CMIP: variants seen among roughly 807,000 people sequenced by gnomAD.
CMIP encodes C-Maf-inducing protein.
CMIP carries 13 observed loss-of-function variants against 97.3 expected under a neutral mutation model. The observed-to-expected ratio is 0.13, with a 90% CI of 0.09 to 0.21. The LOEUF (loss-of-function observed/expected upper bound fraction) is 0.21. Among genes scored for constraint, CMIP ranks in the 10% least tolerant of loss-of-function variants. The pLI is 1.00. For missense variants in CMIP, 847 were observed against 1,024.9 expected, an observed-to-expected ratio of 0.83 and a Z score of 2.37; for synonymous variants, 538 against 436.3, an observed-to-expected ratio of 1.23 and a Z score of -2.91.
At chr16:81,618,739 TC>T (rs767747750) in intron 2 of CMIP, 1 of 152,252 alleles carries the variant, frequency 6.6e-6, no homozygotes, top group African/African-American at 2.4e-5. Context: ...GGCTTGTTGT[TC>T]CAGAGAGCCT....
chr16:81,543,934 C>A (rs146995747), intron 1 of CMIP, among the ~76,000 whole-genome samples: 1 of 152,324 alleles, frequency 6.6e-6, no homozygotes, highest in South Asian at 2.1e-4. Flanking sequence ...ATCGTATTAT[C>A]GGGAAAAGGT....
In CMIP at chr16:81,525,968, CTAA is replaced by C. The variant is rs1567559857; in HGVS notation, c.300+80433_300+80435del. On this transcript the variant is annotated intron_variant, in intron 1 of 20. Transcript: ENST00000537098. ...ATCCTTTTTTTTGTTTAAAGGTTGA[CTAA>C]TAATACGTGTGTGTGTGTGTGTGTG... Among the ~76,000 whole-genome samples the C allele has an allele frequency of 2.1e-5, 3 of 142,012 alleles. No individual in the cohort carries two copies. In the South Asian group the frequency reaches 7.0e-4, roughly 33 times the overall value. The allele number at this position is 142,012 out of a possible 152,430, so 93.2% of individuals were successfully genotyped here. A position where few individuals can be genotyped will look rare whatever the true frequency, so the allele number is the denominator to read the frequency against.
chr16:81,619,525 G>C (rs957761069), intron 2 of CMIP: 2 of 152,304 alleles, frequency 1.3e-5, no homozygotes, highest in African/African-American at 4.8e-5. Context: ...TTCGTGCTTG[G>C]AGAGAGACTC....
intron 1 of CMIP, among the ~76,000 whole-genome samples, chr16:81,457,029 C>T (rs986903592): frequency 9.2e-5 from 14 of 152,096 alleles, no homozygotes; most frequent in Admixed American, 8.5e-4. Context: ...CTGTCACAGC[C>T]GGTGGTGAGG....
chr16:81,653,639 G>A (rs1197049761), intron 4 of CMIP, among the ~76,000 whole-genome samples: 2 of 152,226 alleles, frequency 1.3e-5, no homozygotes, highest in Non-Finnish European at 2.9e-5. Context: ...AGTAAGCCAG[G>A]CAGGTGCCAG....
chr16:81,703,825 C>T, intron 17 of CMIP, 114 bp from the exon 18 acceptor site: 1 of 1,402,896 alleles, frequency 7.1e-7, no homozygotes. Context: ...TTACCGCCCC[C>T]CAGGAACAGC....
At chr16:81,555,397 T>C (rs2090741466) in intron 1 of CMIP, among the ~76,000 whole-genome samples, 1 of 152,012 alleles carries the variant, frequency 6.6e-6, no homozygotes, top group African/African-American at 2.4e-5. Context: ...TCCGGACCCA[T>C]GGGCAAAACA....
intron 1 of CMIP, among the ~76,000 whole-genome samples, chr16:81,467,974 C>T (rs1907308237): frequency 6.7e-6 from 1 of 150,358 alleles, no homozygotes; most frequent in African/African-American, 2.5e-5. Context: ...GCATTCTCAA[C>T]CTCCCAGACT....
At chr16:81,661,738 G>C (rs1295478501) in intron 6 of CMIP, among the ~76,000 whole-genome samples, 1 of 152,130 alleles carries the variant, frequency 6.6e-6, no homozygotes, top group Non-Finnish European at 1.5e-5. Flanking sequence ...TTCCCTTGCC[G>C]CCCCTTCCCG....
At chr16:81,552,169 G>A (rs73596439) in intron 1 of CMIP, among the ~76,000 whole-genome samples, 9,720 of 152,264 alleles carry the variant, frequency 0.064, 1,026 homozygotes, top group African/African-American at 0.22. Flanking sequence ...CAGGGAGTTG[G>A]AATCCTCCCC....
chr16:81,472,518 C>T (rs1237138832), intron 1 of CMIP, among the ~76,000 whole-genome samples: 9 of 152,214 alleles, frequency 5.9e-5, no homozygotes, highest in Non-Finnish European at 7.3e-5. Flanking sequence ...CACTTGACAC[C>T]GTTGAGTGTC....
At chr16:81,558,582 C>G (rs1413030727) in intron 1 of CMIP, among the ~76,000 whole-genome samples, 2 of 152,184 alleles carry the variant, frequency 1.3e-5, no homozygotes, top group African/African-American at 4.8e-5. Flanking sequence ...CAACAGTGCC[C>G]AGGTGGAGAC....
chr16:81,637,658 G>T (rs56204025), intron 3 of CMIP, among the ~76,000 whole-genome samples: 2,139 of 152,208 alleles, frequency 0.014, 24 homozygotes, highest in Non-Finnish European at 0.022. Context: ...GCAAAAACAT[G>T]GCTTGCTTGA....
rs149715666 is a variant in CMIP at position 81,504,641 on chromosome 16, CAAAAAA to C, written c.300+59120_300+59125del. ...CTCGGCGACAGAGTGAGACTCGTCT[CAAAAAA>C]AAAAAAAAAAAAAAAAAAAGAAAAG... On this transcript the variant is annotated intron_variant, in intron 1 of 20. Coordinates refer to ENST00000537098, the MANE Select transcript of CMIP (RefSeq NM_198390.3). 1.1e-4 allele frequency among the ~76,000 whole-genome samples: 8 copies of C among 71,986 alleles called. 1 individual carries two copies. The highest frequency in any genetic ancestry group is 5.4e-4 in the African/African-American group (8 of 14,924). The allele number at this position is 71,986 out of a possible 152,430, so 47.2% of individuals were successfully genotyped here. A position where few individuals can be genotyped will look rare whatever the true frequency, so the allele number is the denominator to read the frequency against.
intron 7 of CMIP, among the ~76,000 whole-genome samples, chr16:81,668,260 C>T (rs1022417054): frequency 3.3e-5 from 5 of 152,128 alleles, no homozygotes; most frequent in Non-Finnish European, 7.4e-5. Context: ...GGGGGCAGGA[C>T]GGTGCCGCTC....
At chr16:81,464,862 C>T (rs980934134) in intron 1 of CMIP, 1 of 152,120 alleles carries the variant, frequency 6.6e-6, no homozygotes, top group African/African-American at 2.4e-5. Flanking sequence ...TTTTACGTTC[C>T]CCCCATGTTT....
At chr16:81,451,723 G>C (rs1461744136) in intron 1 of CMIP, among the ~76,000 whole-genome samples, 1 of 152,178 alleles carries the variant, frequency 6.6e-6, no homozygotes, top group Non-Finnish European at 1.5e-5. Context: ...TGACCAGGGG[G>C]CTCTGACAAG....
rs527371571 is a variant in CMIP at position 81,506,739 on chromosome 16, C to T, written c.300+61198C>T. Among the ~76,000 whole-genome samples the T allele has an allele frequency of 3.3e-5, 5 of 152,156 alleles. No individual in the cohort carries two copies. In the South Asian group the frequency reaches 1.0e-3, roughly 32 times the overall value. On this transcript the variant is annotated intron_variant, in intron 1 of 20. Coordinates refer to ENST00000537098, the MANE Select transcript of CMIP (RefSeq NM_198390.3). ...ACCAGCCTGGCCACACTAGTGAAAC[C>T]CCGTCTCTACTAAAAATTAGCTGTG... is the stretch of plus-strand genomic sequence containing the variant.
intron 10 of CMIP, 108 bp from the exon 11 acceptor site, chr16:81,691,667 C>T: frequency 2.4e-6 from 2 of 829,462 alleles, no homozygotes; most frequent in Non-Finnish European, 4.1e-6. Context: ...GTGCCACTGA[C>T]TACCTGCCAG....
Sources: gnomAD v4.1 joint callset for allele counts (sites outside exome capture counted in the v4.1 genomes callset) on GRCh38, gnomAD v4.1.1 for gene constraint, MANE v1.5 for transcripts, NCBI Gene and HGNC (gene_info 2026-07-23, HGNC 2026-07-21) for gene names.